ATXN1: variants seen among roughly 807,000 people sequenced by gnomAD.
The protein encoded by ATXN1 is ataxin-1.
Under a neutral mutation model 56.4 loss-of-function variants are expected in ATXN1, and 8 were observed. That is an observed-to-expected ratio of 0.14 (90% CI 0.08 to 0.26). ATXN1 has a LOEUF of 0.26. ATXN1 is among the 10% of genes least tolerant of loss of function. The pLI is 1.00. For synonymous variants in ATXN1, 514 were observed against 494.6 expected (o/e 1.04, Z -0.52); for missense variants, 987 against 1,106.5 (o/e 0.89, Z 1.53).
chr6:16,444,728 A>C, intron 6 of ATXN1, among the ~76,000 whole-genome samples: 1 of 152,250 alleles, frequency 6.6e-6, no homozygotes, highest in East Asian at 1.9e-4. Flanking sequence ...AACAAATAAT[A>C]ATAGAATTAG....
intron 7 of ATXN1, among the ~76,000 whole-genome samples, chr6:16,311,281 T>C: frequency 6.6e-6 from 1 of 152,260 alleles, no homozygotes; most frequent in East Asian, 1.9e-4. Context: ...GTCATAGCTA[T>C]TAGCTAATGG....
At chr6:16,585,484 G>A in intron 4 of ATXN1, among the ~76,000 whole-genome samples, 1 of 152,058 alleles carries the variant, frequency 6.6e-6, no homozygotes, top group East Asian at 1.9e-4. Context: ...GTCTCTCTAA[G>A]TGAATTTATA....
At chr6:16,513,769 G>C (rs1290862483) in intron 5 of ATXN1, among the ~76,000 whole-genome samples, 1 of 152,130 alleles carries the variant, frequency 6.6e-6, no homozygotes, top group Non-Finnish European at 1.5e-5. Flanking sequence ...TGACCAGCAA[G>C]GGTAGCCTAG....
chr6:16,563,274 C>T (rs1391713645), intron 4 of ATXN1, among the ~76,000 whole-genome samples: 1 of 152,114 alleles, frequency 6.6e-6, no homozygotes, highest in Non-Finnish European at 1.5e-5. Flanking sequence ...ACTAGAAAAG[C>T]AATGATGACT....
intron 2 of ATXN1, among the ~76,000 whole-genome samples, chr6:16,665,685 C>T (rs1758409472): frequency 6.6e-6 from 1 of 152,158 alleles, no homozygotes; most frequent in African/African-American, 2.4e-5. Context: ...CATTTGTCCT[C>T]TTGGGGATCA....
At chr6:16,337,152 G>A (rs1410100915) in intron 6 of ATXN1, among the ~76,000 whole-genome samples, 1 of 152,208 alleles carries the variant, frequency 6.6e-6, no homozygotes, top group Admixed American at 6.5e-5. Flanking sequence ...CCTAAGTGGG[G>A]CTGAGTGATT....
At chr6:16,654,541 TA>T (rs1212773515) in intron 3 of ATXN1, among the ~76,000 whole-genome samples, 3,775 of 122,486 alleles carry the variant, frequency 0.031, 135 homozygotes, top group African/African-American at 0.056. Flanking sequence ...GACTCTGCCT[TA>T]AAAAAAAAAA....
At chr6:16,639,415 G>C (rs1008815317) in intron 3 of ATXN1, among the ~76,000 whole-genome samples, 1 of 152,176 alleles carries the variant, frequency 6.6e-6, no homozygotes, top group Non-Finnish European at 1.5e-5. Context: ...CTAGGTTCAA[G>C]CGATTCTCCT....
intron 4 of ATXN1, among the ~76,000 whole-genome samples, chr6:16,566,134 T>C (rs1232292144): frequency 3.9e-5 from 6 of 152,184 alleles, no homozygotes; most frequent in African/African-American, 1.4e-4. Flanking sequence ...AAAGCTTTCA[T>C]GTATCTCTAT....
intron 4 of ATXN1, among the ~76,000 whole-genome samples, chr6:16,563,810 C>T (rs1471881696): frequency 7.7e-6 from 1 of 129,870 alleles, no homozygotes; most frequent in Non-Finnish European, 1.5e-5. Context: ...CCGCTGCACT[C>T]AGACACAGAG....
chr6:16,736,448 G>C (rs1478580766), intron 2 of ATXN1, among the ~76,000 whole-genome samples: 3 of 152,174 alleles, frequency 2.0e-5, no homozygotes, highest in Non-Finnish European at 4.4e-5. Context: ...CTTTTCAGGA[G>C]TAAAAAGAGG....
intron 6 of ATXN1, among the ~76,000 whole-genome samples, chr6:16,350,087 G>A (rs1761534709): frequency 6.6e-6 from 1 of 152,174 alleles, no homozygotes; most frequent in Non-Finnish European, 1.5e-5. Context: ...TAATGCTGCT[G>A]TAGGCACCAA....
intron 4 of ATXN1, among the ~76,000 whole-genome samples, chr6:16,584,243 T>TATACAC (rs1403082306): frequency 2.6e-4 from 31 of 118,518 alleles, no homozygotes; most frequent in African/African-American, 9.2e-4. Context: ...TATATATATA[T>TATACAC]ACACACACAC....
At chr6:16,657,150 A>T (rs1561796011) in intron 3 of ATXN1, among the ~76,000 whole-genome samples, 5 of 148,590 alleles carry the variant, frequency 3.4e-5, no homozygotes. Context: ...CACCCGGCTA[A>T]TTTTTTTTTT....
At chr6:16,519,668 GGTCATTCT>G (rs933154242) in intron 5 of ATXN1, among the ~76,000 whole-genome samples, 55 of 152,248 alleles carry the variant, frequency 3.6e-4, no homozygotes, top group African/African-American at 1.3e-3. Context: ...CTCCCCACCA[GGTCATTCT>G]GACAGAGCCG....
At chr6:16,425,934 A>G (rs1759144221) in intron 6 of ATXN1, among the ~76,000 whole-genome samples, 1 of 152,186 alleles carries the variant, frequency 6.6e-6, no homozygotes, top group Non-Finnish European at 1.5e-5. Context: ...TAGACTTCAA[A>G]GCTAGCCTCA....
At chr6:16,675,873 A>C (rs1006271440) in intron 2 of ATXN1, among the ~76,000 whole-genome samples, 5 of 152,118 alleles carry the variant, frequency 3.3e-5, no homozygotes, top group Non-Finnish European at 7.3e-5. Flanking sequence ...TGGGTGACGG[A>C]GTGAGACTCT....
At chr6:16,445,944 T>G (rs1382991629) in intron 6 of ATXN1, among the ~76,000 whole-genome samples, 1 of 151,888 alleles carries the variant, frequency 6.6e-6, no homozygotes, top group Non-Finnish European at 1.5e-5. Flanking sequence ...TTGGGTTGGT[T>G]CCAAGTCTTT....
rs1468674278 is a variant in ATXN1, at chr6:16,410,219, C to G, written c.-161+75753G>C. 2.0e-5 allele frequency among the ~76,000 whole-genome samples: 3 copies of G among 152,174 alleles called. No individual in the cohort carries two copies. The highest frequency in any genetic ancestry group is 2.9e-5 in the Non-Finnish European group (2 of 68,038). On this transcript the variant is annotated intron_variant, in intron 6 of 7. Transcript: ENST00000436367. The surrounding 1 kb of genome is among the most constrained non-coding windows in gnomAD (Gnocchi z 4.6). ...CCCTCCTTCCCCCTTACTATGACTT[C>G]CAATTTTGAAATACTGTGACTCTGC...
Sources: allele counts gnomAD v4.1 joint callset (sites outside exome capture counted in the v4.1 genomes callset), GRCh38; gene constraint gnomAD v4.1.1; non-coding constraint Gnocchi (gnomAD v3.1); transcripts MANE v1.5; gene names NCBI Gene and HGNC (gene_info 2026-07-23, HGNC 2026-07-21).